The following EFNA5 variants were observed in gnomAD, a reference collection of about 807,000 sequenced individuals.
The protein encoded by EFNA5 is ephrin A5.
Under a neutral mutation model 22.9 loss-of-function variants are expected in EFNA5, and 5 were observed. The observed-to-expected ratio is 0.22, with a 90% CI of 0.11 to 0.46. The LOEUF (loss-of-function observed/expected upper bound fraction) is 0.46. Among genes scored for constraint, EFNA5 ranks in the 20% least tolerant of loss-of-function variants. The probability of loss-of-function intolerance (pLI) is 0.99; values close to 1 mark genes in which losing one functional copy is unlikely to be tolerated. For missense variants in EFNA5, 237 were observed against 293.3 expected (o/e 0.81, Z 1.40); for synonymous variants, 113 against 112.2 (o/e 1.01, Z -0.04).
chr5:107,653,314 T>C (rs1466806475), intron 1 of EFNA5, among the ~76,000 whole-genome samples: 2 of 152,058 alleles, frequency 1.3e-5, no homozygotes, highest in African/African-American at 4.8e-5. Flanking sequence ...TCTCCTAAGT[T>C]CTCCATAACC....
intron 1 of EFNA5, among the ~76,000 whole-genome samples, chr5:107,610,451 C>T (rs545273755): frequency 2.0e-5 from 3 of 152,130 alleles, no homozygotes; most frequent in Admixed American, 1.3e-4. Flanking sequence ...CTAATACAGC[C>T]AAACACGTTA....
intron 1 of EFNA5, among the ~76,000 whole-genome samples, chr5:107,486,862 G>A: frequency 6.6e-6 from 1 of 152,306 alleles, no homozygotes. Context: ...AGGAGCTAGA[G>A]AAAGTTACTA....
At chr5:107,441,717 TA>T (rs770679724) in intron 1 of EFNA5, among the ~76,000 whole-genome samples, 26 of 152,200 alleles carry the variant, frequency 1.7e-4, no homozygotes, top group East Asian at 1.2e-3. Flanking sequence ...GTTTATTTTT[TA>T]AATAAGGGTG....
chr5:107,381,543 CAAA>C (rs1040314104), intron 4 of EFNA5, among the ~76,000 whole-genome samples, 167 bp from the exon 5 acceptor site: 32 of 152,138 alleles, frequency 2.1e-4, no homozygotes, highest in African/African-American at 7.5e-4. Flanking sequence ...TTACAGCAAA[CAAA>C]GAAGAGGCAA....
At chr5:107,525,094 T>C (rs1747668296) in intron 1 of EFNA5, among the ~76,000 whole-genome samples, 1 of 152,188 alleles carries the variant, frequency 6.6e-6, no homozygotes, top group Non-Finnish European at 1.5e-5. Flanking sequence ...AGATCCAGCA[T>C]TGCCTGAGAG....
At chr5:107,384,740 T>C (rs1310243382) in intron 4 of EFNA5, among the ~76,000 whole-genome samples, 1 of 147,876 alleles carries the variant, frequency 6.8e-6, no homozygotes, top group African/African-American at 2.5e-5. Context: ...GTCTCCCAAG[T>C]AACTGAGACT....
At chr5:107,600,904 G>A (rs1050894308) in intron 1 of EFNA5, among the ~76,000 whole-genome samples, 6 of 152,124 alleles carry the variant, frequency 3.9e-5, no homozygotes, top group African/African-American at 9.7e-5. Context: ...GAAAGATTCC[G>A]TATCTTGATT....
chr5:107,519,301 A>T (rs927765535), intron 1 of EFNA5, among the ~76,000 whole-genome samples: 3 of 152,260 alleles, frequency 2.0e-5, no homozygotes, highest in Admixed American at 6.5e-5. Context: ...AAACTGCAGG[A>T]GTACATGTGC....
intron 1 of EFNA5, among the ~76,000 whole-genome samples, chr5:107,666,023 T>C (rs1751058285): frequency 6.6e-6 from 1 of 152,166 alleles, no homozygotes; most frequent in African/African-American, 2.4e-5. Flanking sequence ...TGCCTTTTAC[T>C]TGAAAAACAT....
chr5:107,392,335 T>G (rs904739646), intron 2 of EFNA5, among the ~76,000 whole-genome samples: 1 of 152,224 alleles, frequency 6.6e-6, no homozygotes, highest in Non-Finnish European at 1.5e-5. Flanking sequence ...TGTACCTTAC[T>G]TCTAGTGAAC....
chr5:107,543,121 C>A (rs1748079333), intron 1 of EFNA5, among the ~76,000 whole-genome samples: 1 of 152,196 alleles, frequency 6.6e-6, no homozygotes, highest in African/African-American at 2.4e-5. Context: ...ACCCATGGGT[C>A]TGCTCCAAGC....
At chr5:107,580,924 C>A (rs10061771) in intron 1 of EFNA5, among the ~76,000 whole-genome samples, 1 of 151,848 alleles carries the variant, frequency 6.6e-6, no homozygotes, top group African/African-American at 2.4e-5. Context: ...TCCAAAAAAA[C>A]GAGCTTAGAG....
intron 1 of EFNA5, among the ~76,000 whole-genome samples, chr5:107,565,297 G>A (rs1449627776): frequency 6.6e-6 from 1 of 152,136 alleles, no homozygotes; most frequent in African/African-American, 2.4e-5. Flanking sequence ...AAAATAGTAC[G>A]CATAGCTATG....
chr5:107,556,810 C>T (rs974088235), intron 1 of EFNA5, among the ~76,000 whole-genome samples: 2 of 130,052 alleles, frequency 1.5e-5, no homozygotes, highest in Non-Finnish European at 1.7e-5. Context: ...AAATAACTAT[C>T]TCAAATCCAG....
intron 1 of EFNA5, among the ~76,000 whole-genome samples, chr5:107,560,684 A>C (rs145463076): frequency 1.0e-3 from 152 of 152,232 alleles, no homozygotes; most frequent in Non-Finnish European, 1.8e-3. Context: ...CAGATTCTTT[A>C]TCTCTCAAAA....
At chr5:107,607,402 G>A (rs774044885) in intron 1 of EFNA5, among the ~76,000 whole-genome samples, 1 of 152,300 alleles carries the variant, frequency 6.6e-6, no homozygotes, top group East Asian at 1.9e-4. Flanking sequence ...TTGCAGTAGA[G>A]TTTGAGCCCA....
At chr5:107,393,242 T>C (rs1747833874) in intron 2 of EFNA5, among the ~76,000 whole-genome samples, 1 of 152,180 alleles carries the variant, frequency 6.6e-6, no homozygotes, top group African/African-American at 2.4e-5. Context: ...AAAACTCCTA[T>C]TAGTTATCTT....
intron 1 of EFNA5, among the ~76,000 whole-genome samples, chr5:107,569,032 G>A (rs1456254468): frequency 6.6e-6 from 1 of 152,052 alleles, no homozygotes; most frequent in Non-Finnish European, 1.5e-5. Flanking sequence ...TCCTTTTCCT[G>A]AGCTTTTAAT....
intron 2 of EFNA5, among the ~76,000 whole-genome samples, chr5:107,390,589 G>A (rs1416335157): frequency 6.6e-6 from 1 of 152,010 alleles, no homozygotes; most frequent in Non-Finnish European, 1.5e-5. Flanking sequence ...TTTTTGTCAG[G>A]AGGTAGGTAG....
Sources: allele counts gnomAD v4.1 joint callset (sites outside exome capture counted in the v4.1 genomes callset), GRCh38; gene constraint gnomAD v4.1.1; transcripts MANE v1.5; gene names NCBI Gene and HGNC (gene_info 2026-07-23, HGNC 2026-07-21).